Variants in CNTN4 observed in about 807,000 individuals in gnomAD.
The protein encoded by CNTN4 is contactin-4.
A neutral mutation model predicts 122.5 loss-of-function variants in CNTN4; 77 were observed. The ratio of observed to expected loss-of-function variants is 0.63; its 90% CI spans 0.52 to 0.76. CNTN4 has a LOEUF of 0.76. CNTN4 is among the 30% of genes least tolerant of loss of function. The probability of loss-of-function intolerance (pLI) is 0.00; values close to 1 mark genes in which losing one functional copy is unlikely to be tolerated. For missense variants in CNTN4, 1,256 were observed against 1,259.1 expected, an observed-to-expected ratio of 1.00 and a Z score of 0.04; for synonymous variants, 512 against 447.0, an observed-to-expected ratio of 1.15 and a Z score of -1.83.
intron 3 of CNTN4, among the ~76,000 whole-genome samples, chr3:2,417,300 A>G (rs1243771977): frequency 6.6e-6 from 1 of 152,228 alleles, no homozygotes; most frequent in Non-Finnish European, 1.5e-5. Flanking sequence ...ACCAGAATCC[A>G]GTCCCTTCAG....
chr3:2,699,976 A>T (rs1050268553), intron 4 of CNTN4, among the ~76,000 whole-genome samples: 7 of 152,150 alleles, frequency 4.6e-5, no homozygotes, highest in African/African-American at 1.7e-4. Flanking sequence ...ATGCTGCACC[A>T]AACAGATGGA....
chr3:2,198,991 A>G (rs950963637), intron 2 of CNTN4, among the ~76,000 whole-genome samples: 1 of 152,194 alleles, frequency 6.6e-6, no homozygotes, highest in Admixed American at 6.5e-5. Context: ...TCATCGTTTC[A>G]CTAAGGCAAG....
intron 2 of CNTN4, among the ~76,000 whole-genome samples, chr3:2,186,301 G>A (rs1342231970): frequency 3.3e-5 from 5 of 152,070 alleles, no homozygotes; most frequent in African/African-American, 1.2e-4. Flanking sequence ...TGGTGTATAT[G>A]TGCCACATTT....
chr3:3,002,704 TGAA>T (rs1156488708), intron 14 of CNTN4, among the ~76,000 whole-genome samples: 3 of 152,262 alleles, frequency 2.0e-5, no homozygotes, highest in South Asian at 4.1e-4. Context: ...TCTGATTTGA[TGAA>T]GAAGAAGTTG....
chr3:2,165,286 G>A (rs1294521330), intron 2 of CNTN4, among the ~76,000 whole-genome samples: 1 of 151,360 alleles, frequency 6.6e-6, no homozygotes, highest in East Asian at 1.9e-4. Flanking sequence ...TCGCGCCATT[G>A]CACTCCAGCC....
At chr3:3,039,844 A>C in intron 19 of CNTN4, 193 bp from the exon 20 acceptor site, 1 of 604,538 alleles carries the variant, frequency 1.7e-6, no homozygotes, top group Admixed American at 2.4e-5. Context: ...TACGTTTTCA[A>C]CCCTGTCCAG....
rs571417057 is a variant in CNTN4, at chr3:2,530,553, C to G, written c.-88-40863C>G. 3.9e-5 allele frequency among the ~76,000 whole-genome samples: 6 copies of G among 152,174 alleles called. No individual in the cohort carries two copies. In the South Asian group the frequency reaches 1.0e-3, roughly 26 times the overall value. ...CCCATCTCCTGACCTCGTGATCTGC[C>G]TGCCTCAGCCTCCCAAAGTGCTGGG... On this transcript the variant is annotated intron_variant, in intron 3 of 24. Transcript: ENST00000418658.
At chr3:2,674,780 CA>C (rs77564807) in intron 4 of CNTN4, among the ~76,000 whole-genome samples, 30,007 of 139,964 alleles carry the variant, frequency 0.21, 3,276 homozygotes, top group Admixed American at 0.36. Flanking sequence ...AACAAAAAAA[CA>C]AAAAAAAAAA....
chr3:2,979,489 G>C (rs764401494), intron 13 of CNTN4, among the ~76,000 whole-genome samples: 5 of 152,100 alleles, frequency 3.3e-5, no homozygotes, highest in Non-Finnish European at 5.9e-5. Context: ...AGCTCTTCAG[G>C]AGTTTAGCCT....
chr3:2,928,279 G>T (rs1283640310), intron 13 of CNTN4, among the ~76,000 whole-genome samples: 1 of 152,222 alleles, frequency 6.6e-6, no homozygotes, highest in African/African-American at 2.4e-5. Flanking sequence ...AGAACATGAA[G>T]TGGAACATTT....
At chr3:2,481,364 CT>C in intron 3 of CNTN4, among the ~76,000 whole-genome samples, 1 of 152,004 alleles carries the variant, frequency 6.6e-6, no homozygotes, top group Non-Finnish European at 1.5e-5. Context: ...TGATCTCAAA[CT>C]TCTGACCTCA....
intron 3 of CNTN4, among the ~76,000 whole-genome samples, chr3:2,366,334 C>G (rs898407257): frequency 2.6e-5 from 4 of 152,174 alleles, no homozygotes; most frequent in Non-Finnish European, 4.4e-5. Context: ...AAGTCATCCA[C>G]AAAATTTTAA....
chr3:2,672,912 A>T (rs1229504449), intron 4 of CNTN4, among the ~76,000 whole-genome samples: 1 of 152,158 alleles, frequency 6.6e-6, no homozygotes, highest in Non-Finnish European at 1.5e-5. Context: ...GCCCAGTAGG[A>T]GCTTACATTC....
At chr3:2,321,325 A>G (rs941161092) in intron 2 of CNTN4, among the ~76,000 whole-genome samples, 1 of 152,072 alleles carries the variant, frequency 6.6e-6, no homozygotes, top group African/African-American at 2.4e-5. Flanking sequence ...TTAGCCATGT[A>G]CCCCCATGAA....
At position 2,234,359 on chromosome 3, in the gene CNTN4, C is replaced by T. The variant is rs914044243; in HGVS notation, c.-144-104819C>T. On this transcript the variant is annotated intron_variant, in intron 2 of 24. Coordinates refer to ENST00000418658, the MANE Select transcript of CNTN4 (RefSeq NM_175607.3). ...CACCATTGCACTCCAGCCGGGGCAA[C>T]AAGTCCATCTCAAAAAAAAAAAAAA... Among the ~76,000 whole-genome samples the T allele has an allele frequency of 1.0e-3, 101 of 98,410 alleles. No homozygotes were observed. The Admixed American group carries it at 0.014, about 14-fold the overall frequency. The allele number at this position is 98,410 out of a possible 152,430, so 64.6% of individuals were successfully genotyped here. A position where few individuals can be genotyped will look rare whatever the true frequency, so the allele number is the denominator to read the frequency against.
At chr3:2,196,020 C>T (rs1354763778) in intron 2 of CNTN4, among the ~76,000 whole-genome samples, 1 of 152,114 alleles carries the variant, frequency 6.6e-6, no homozygotes, top group Non-Finnish European at 1.5e-5. Flanking sequence ...TGGAAAAAAT[C>T]TAGAGATGAT....
intron 3 of CNTN4, among the ~76,000 whole-genome samples, chr3:2,539,750 A>G (rs911574610): frequency 1.3e-5 from 2 of 152,146 alleles, no homozygotes; most frequent in East Asian, 1.9e-4. Context: ...TTTGCTACCT[A>G]ATGCTGAACA....
chr3:3,014,726 C>T (rs1697577384), intron 14 of CNTN4, among the ~76,000 whole-genome samples: 1 of 151,694 alleles, frequency 6.6e-6, no homozygotes, highest in Non-Finnish European at 1.5e-5. Flanking sequence ...CTCCATTACC[C>T]TTTATATTAG....
chr3:2,274,928 A>G (rs2041443904), intron 2 of CNTN4, among the ~76,000 whole-genome samples: 1 of 152,162 alleles, frequency 6.6e-6, no homozygotes, highest in Admixed American at 6.5e-5. Flanking sequence ...ATACTGTGTC[A>G]AAGGGCACAG....
Sources: gnomAD v4.1 joint callset for allele counts (sites outside exome capture counted in the v4.1 genomes callset) on GRCh38, gnomAD v4.1.1 for gene constraint, MANE v1.5 for transcripts, NCBI Gene and HGNC (gene_info 2026-07-23, HGNC 2026-07-21) for gene names.